The following SLC16A2 variants were observed in gnomAD, a reference collection of about 807,000 sequenced individuals.
The protein encoded by SLC16A2 is solute carrier family 16 member 2.
In SLC16A2, 3 loss-of-function variants were observed where a neutral mutation model predicts 27.2. That is an observed-to-expected ratio of 0.11 (90% CI 0.05 to 0.28). The LOEUF is 0.28. SLC16A2 is among the 10% of genes least tolerant of loss of function. The pLI is 1.00. For missense variants in SLC16A2, 295 were observed against 458.5 expected (o/e 0.64, Z 3.26); for synonymous variants, 202 against 187.8 (o/e 1.08, Z -0.62).
chrX:74,491,450 T>C (rs1261077992), intron 1 of SLC16A2, among the ~76,000 whole-genome samples: 1 of 111,934 alleles, frequency 8.9e-6, no homozygotes, highest in African/African-American at 3.2e-5. Flanking sequence ...GAGACCAAAG[T>C]TTAATTGTGC....
intron 1 of SLC16A2, among the ~76,000 whole-genome samples, chrX:74,427,795 A>ACGCGCGCG (rs1229070059): frequency 7.0e-5 from 6 of 85,559 alleles, no homozygotes; most frequent in Non-Finnish European, 1.4e-4. Context: ...GCGCATGCGC[A>ACGCGCGCG]CGCGTGCACG....
At chrX:74,503,072 T>A (rs1930064807) in intron 1 of SLC16A2, among the ~76,000 whole-genome samples, 1 of 109,502 alleles carries the variant, frequency 9.1e-6, no homozygotes, top group Admixed American at 9.9e-5. Flanking sequence ...TTTCCTGTAC[T>A]CCTGTTCTCT....
intron 1 of SLC16A2, among the ~76,000 whole-genome samples, chrX:74,492,822 T>C (rs1929856214): frequency 9.0e-6 from 1 of 111,061 alleles, no homozygotes; most frequent in South Asian, 3.9e-4. Context: ...CCTCCCCCTT[T>C]TAGAGAGCTC....
chrX:74,464,164 G>A (rs1212595082), intron 1 of SLC16A2, among the ~76,000 whole-genome samples: 2 of 112,138 alleles, frequency 1.8e-5, no homozygotes, highest in Non-Finnish European at 3.8e-5. Context: ...AACACAGTTT[G>A]TCATATCTAA....
intron 1 of SLC16A2, among the ~76,000 whole-genome samples, chrX:74,472,226 T>G (rs1470575407): frequency 1.8e-5 from 2 of 111,995 alleles, no homozygotes; most frequent in East Asian, 5.6e-4. Context: ...GAACTCCAAT[T>G]TATCTAGTGT....
At chrX:74,509,487 C>T (rs1468124084) in intron 1 of SLC16A2, among the ~76,000 whole-genome samples, 4 of 111,912 alleles carry the variant, frequency 3.6e-5, no homozygotes, top group African/African-American at 9.8e-5. Flanking sequence ...TCTGGTATAA[C>T]TGCATATTGC....
chrX:74,441,325 C>T (rs1035773388), intron 1 of SLC16A2, among the ~76,000 whole-genome samples: 3 of 111,533 alleles, frequency 2.7e-5, no homozygotes, highest in East Asian at 5.7e-4. Flanking sequence ...TCCCAAAGTG[C>T]TGGGAATACA....
intron 1 of SLC16A2, among the ~76,000 whole-genome samples, chrX:74,455,037 G>A (rs965053342): frequency 8.0e-5 from 9 of 112,249 alleles, no homozygotes; most frequent in African/African-American, 2.9e-4. Flanking sequence ...GAATGCCTGG[G>A]TTCAAATTCA....
intron 1 of SLC16A2, among the ~76,000 whole-genome samples, chrX:74,504,507 TAGC>T (rs1300358687): frequency 1.8e-5 from 2 of 111,958 alleles, no homozygotes; most frequent in African/African-American, 3.2e-5. Context: ...CTCTCTTCAT[TAGC>T]AGCCTGGAGA....
At chrX:74,434,153 T>A (rs932070641) in intron 1 of SLC16A2, among the ~76,000 whole-genome samples, 1 of 103,893 alleles carries the variant, frequency 9.6e-6, no homozygotes, top group Admixed American at 1.0e-4. Flanking sequence ...AGGAAAAGGG[T>A]CCCTCAAGAA....
intron 1 of SLC16A2, among the ~76,000 whole-genome samples, chrX:74,474,455 G>C (rs1408826579): frequency 9.6e-6 from 1 of 104,426 alleles, no homozygotes; most frequent in African/African-American, 3.5e-5. Context: ...AGTTCTAGCA[G>C]GTTTTTTTGC....
intron 1 of SLC16A2, among the ~76,000 whole-genome samples, chrX:74,447,031 T>C (rs193150944): frequency 8.9e-6 from 1 of 112,186 alleles, no homozygotes; most frequent in Non-Finnish European, 1.9e-5. Flanking sequence ...GAAGTTCAGA[T>C]TTTGGCCTAA....
chrX:74,437,015 C>T (rs1256566489), intron 1 of SLC16A2, among the ~76,000 whole-genome samples: 1 of 112,461 alleles, frequency 8.9e-6, no homozygotes, highest in Non-Finnish European at 1.9e-5. Flanking sequence ...GTATGCTCCT[C>T]CCTATGCTCT....
At chrX:74,428,105 A>G (rs1459568744) in intron 1 of SLC16A2, among the ~76,000 whole-genome samples, 1 of 89,528 alleles carries the variant, frequency 1.1e-5, no homozygotes. Context: ...TTCTCCCTTC[A>G]TCCTCCTGTA....
At chrX:74,493,330 G>A (rs1487859387) in intron 1 of SLC16A2, among the ~76,000 whole-genome samples, 1 of 111,891 alleles carries the variant, frequency 8.9e-6, no homozygotes, top group Non-Finnish European at 1.9e-5. Context: ...CGTGAAGAGA[G>A]GCAAGAGACC....
chrX:74,472,770 C>T (rs1212478352), intron 1 of SLC16A2, among the ~76,000 whole-genome samples: 1 of 109,727 alleles, frequency 9.1e-6, no homozygotes, highest in East Asian at 2.8e-4. Flanking sequence ...TACATTAAAA[C>T]CCTTCGTTGG....
At chrX:74,520,212 A>G (rs759986158) in intron 1 of SLC16A2, among the ~76,000 whole-genome samples, 1 of 112,198 alleles carries the variant, frequency 8.9e-6, no homozygotes, top group Admixed American at 9.5e-5. Flanking sequence ...AGAGTTAGAA[A>G]TTAAAGCTAA....
intron 1 of SLC16A2, among the ~76,000 whole-genome samples, chrX:74,459,136 G>T (rs1158803856): frequency 2.0e-5 from 2 of 100,481 alleles, no homozygotes; most frequent in Non-Finnish European, 4.0e-5. Context: ...CCTTAAGCCA[G>T]TTATAGACCT....
At chrX:74,498,677 A>T in intron 1 of SLC16A2, among the ~76,000 whole-genome samples, 1 of 112,036 alleles carries the variant, frequency 8.9e-6, no homozygotes, top group Non-Finnish European at 1.9e-5. Context: ...GGAAGAACCC[A>T]TTGGTTGAGT....
Sources: allele counts gnomAD v4.1 joint callset (sites outside exome capture counted in the v4.1 genomes callset), GRCh38; gene constraint gnomAD v4.1.1; transcripts MANE v1.5; gene names NCBI Gene and HGNC (gene_info 2026-07-23, HGNC 2026-07-21).